Variants in KCND2 observed in about 807,000 individuals in gnomAD.
KCND2 encodes the protein A-type voltage-gated potassium channel KCND2.
In KCND2, 16 loss-of-function variants were observed where a neutral mutation model predicts 54.4. The observed-to-expected ratio is 0.29, with a 90% CI of 0.20 to 0.45. The LOEUF (loss-of-function observed/expected upper bound fraction) is 0.45. KCND2 is among the 20% of genes least tolerant of loss of function. The pLI is 1.00. For missense variants in KCND2, 486 were observed against 824.2 expected (o/e 0.59, Z 5.02); for synonymous variants, 317 against 310.7 (o/e 1.02, Z -0.21).
At chr7:120,421,671 CT>C (rs1231623758) in intron 1 of KCND2, among the ~76,000 whole-genome samples, 1 of 152,234 alleles carries the variant, frequency 6.6e-6, no homozygotes, top group African/African-American at 2.4e-5. Context: ...GCATGAGCCA[CT>C]CAGTCTCACT....
intron 1 of KCND2, among the ~76,000 whole-genome samples, chr7:120,527,990 A>G (rs1388331329): frequency 1.3e-5 from 2 of 152,142 alleles, no homozygotes; most frequent in Non-Finnish European, 2.9e-5. Context: ...AACTGATAAA[A>G]TAAGTACATT....
chr7:120,395,693 G>A (rs892969986), intron 1 of KCND2, among the ~76,000 whole-genome samples: 5 of 151,988 alleles, frequency 3.3e-5, no homozygotes, highest in Non-Finnish European at 5.9e-5. Flanking sequence ...AAATGGTGGG[G>A]AGTTTCCAGA....
At chr7:120,470,975 G>T (rs1388141588) in intron 1 of KCND2, among the ~76,000 whole-genome samples, 2 of 151,978 alleles carry the variant, frequency 1.3e-5, no homozygotes, top group Non-Finnish European at 2.9e-5. Flanking sequence ...AAAAAAATGT[G>T]TACTCTGGGT....
chr7:120,320,166 C>A (rs965720898), intron 1 of KCND2, among the ~76,000 whole-genome samples: 3 of 151,898 alleles, frequency 2.0e-5, no homozygotes, highest in African/African-American at 2.4e-5. Context: ...ACTGGAGATA[C>A]ACAGAAATTG....
intron 1 of KCND2, among the ~76,000 whole-genome samples, chr7:120,339,107 G>A (rs1378007626): frequency 2.0e-5 from 3 of 150,864 alleles, no homozygotes; most frequent in Non-Finnish European, 4.4e-5. Flanking sequence ...TGTTAGCTAG[G>A]ATGGTCTCAA....
chr7:120,349,517 C>T (rs184346950), intron 1 of KCND2, among the ~76,000 whole-genome samples: 8 of 152,254 alleles, frequency 5.3e-5, no homozygotes, highest in African/African-American at 1.9e-4. Context: ...ATTTTCATTG[C>T]AGACCACATT....
intron 1 of KCND2, among the ~76,000 whole-genome samples, chr7:120,505,642 A>G (rs1803004277): frequency 6.6e-6 from 1 of 151,636 alleles, no homozygotes; most frequent in African/African-American, 2.4e-5. Flanking sequence ...TAGCTGACAC[A>G]CTCTCCAGCT....
chr7:120,495,511 G>A (rs891242820), intron 1 of KCND2, among the ~76,000 whole-genome samples: 6 of 152,130 alleles, frequency 3.9e-5, no homozygotes, highest in African/African-American at 1.2e-4. Flanking sequence ...TGCAGGTTGT[G>A]CATTAGCATA....
rs1286779967 is a variant in KCND2 at position 120,750,002 on chromosome 7, G to C, written c.*2144G>C. 2 of 151,740 alleles carry C rather than the reference G, an allele frequency of 1.3e-5. No homozygotes were observed. The highest frequency in any genetic ancestry group is 2.9e-5 in the Non-Finnish European group (2 of 67,806). The allele number at this position is 151,740 out of a possible 1,614,324, so 9.4% of individuals were successfully genotyped here. A position where few individuals can be genotyped will look rare whatever the true frequency, so the allele number is the denominator to read the frequency against. On this transcript the variant is annotated 3_prime_UTR_variant, in exon 6 of 6. Transcript: ENST00000331113. ...TTAGGTTATTTCAATTGACAATTCT[G>C]CCTCCTCTTTTGATTTATCACTTAC...
intron 1 of KCND2, among the ~76,000 whole-genome samples, chr7:120,524,981 A>G (rs1012988432): frequency 2.6e-5 from 4 of 152,150 alleles, no homozygotes; most frequent in Non-Finnish European, 5.9e-5. Flanking sequence ...ATAGATCTCT[A>G]TTTATTCCCA....
intron 1 of KCND2, among the ~76,000 whole-genome samples, chr7:120,444,729 C>G (rs1050762664): frequency 5.3e-5 from 8 of 152,132 alleles, no homozygotes; most frequent in Middle Eastern, 3.4e-3. Flanking sequence ...TTAATTTCAA[C>G]TTTTTAAGCA....
chr7:120,418,511 G>A lies in KCND2; in HGVS notation c.1115+142764G>A, dbSNP rs1197145326. 3.3e-5 allele frequency among the ~76,000 whole-genome samples: 5 copies of A among 152,108 alleles called. No homozygotes were observed. The South Asian group carries it at 8.3e-4, about 25-fold the overall frequency. ...TGTTCCAATGGGTCTCAAACCAGGCGGTTTGTTAAGATCACCTTGGGCAGG... is the reference window on the plus strand; with the variant it reads ...TGTTCCAATGGGTCTCAAACCAGGCAGTTTGTTAAGATCACCTTGGGCAGG... On this transcript the variant is annotated intron_variant, in intron 1 of 5. Coordinates refer to ENST00000331113, the MANE Select transcript of KCND2 (RefSeq NM_012281.3).
Position 120,749,965 on chromosome 7 carries a change from A to C in KCND2, c.*2107A>C, listed in dbSNP as rs544975879. ...TTTTCATGTTCTTAATATTACATAC[A>C]AGAAAATGCAGTTAGGTTATTTCAA... On this transcript the variant is annotated 3_prime_UTR_variant, in exon 6 of 6. Coordinates refer to ENST00000331113, the MANE Select transcript of KCND2 (RefSeq NM_012281.3). 2.6e-5 allele frequency: 4 copies of C among 152,082 alleles called. No homozygotes were observed. The highest frequency in any genetic ancestry group is 9.6e-5 in the African/African-American group (4 of 41,562). The allele number at this position is 152,082 out of a possible 1,614,324, so 9.4% of individuals were successfully genotyped here. A position where few individuals can be genotyped will look rare whatever the true frequency, so the allele number is the denominator to read the frequency against.
chr7:120,623,625 C>T (rs920310899), intron 1 of KCND2, among the ~76,000 whole-genome samples: 1 of 152,072 alleles, frequency 6.6e-6, no homozygotes, highest in African/African-American at 2.4e-5. Flanking sequence ...TTCTATAGCA[C>T]TTAGCACAAT....
intron 1 of KCND2, among the ~76,000 whole-genome samples, chr7:120,727,901 T>C (rs113226306): frequency 0.28 from 42,682 of 151,754 alleles, 6,503 homozygotes; most frequent in East Asian, 0.43. Flanking sequence ...TTTGGGAGGC[T>C]GAGGACGGTG....
chr7:120,419,794 C>G (rs906287629), intron 1 of KCND2, among the ~76,000 whole-genome samples: 1 of 151,986 alleles, frequency 6.6e-6, no homozygotes, highest in Non-Finnish European at 1.5e-5. Context: ...AGCTAATGGT[C>G]ACAACCTATA....
At chr7:120,476,512 G>A (rs914949724) in intron 1 of KCND2, among the ~76,000 whole-genome samples, 17 of 152,118 alleles carry the variant, frequency 1.1e-4, no homozygotes, top group Admixed American at 7.2e-4. Flanking sequence ...ACATTGTGGC[G>A]CTAACTAGCC....
intron 1 of KCND2, among the ~76,000 whole-genome samples, chr7:120,496,303 G>T (rs566706971): frequency 6.6e-6 from 1 of 151,988 alleles, no homozygotes; most frequent in South Asian, 2.1e-4. Flanking sequence ...CTTGGTTCTG[G>T]TAAGGCCACA....
At chr7:120,404,766 T>A (rs1017775858) in intron 1 of KCND2, among the ~76,000 whole-genome samples, 1 of 103,108 alleles carries the variant, frequency 9.7e-6, no homozygotes, top group Non-Finnish European at 2.0e-5. Flanking sequence ...CACTGATTTT[T>A]GGGGGGGGAC....
Sources: gnomAD v4.1 joint callset for allele counts (sites outside exome capture counted in the v4.1 genomes callset) on GRCh38, gnomAD v4.1.1 for gene constraint, MANE v1.5 for transcripts, NCBI Gene and HGNC (gene_info 2026-07-23, HGNC 2026-07-21) for gene names.